DOCK3: variants seen among roughly 807,000 people sequenced by gnomAD.
DOCK3 encodes dedicator of cytokinesis 3.
In DOCK3, 60 loss-of-function variants were observed where a neutral mutation model predicts 265.6. The observed-to-expected ratio is 0.23, with a 90% CI of 0.18 to 0.28. The LOEUF (loss-of-function observed/expected upper bound fraction) is 0.28, where lower values mean the gene tolerates loss of function less well. Ranked by LOEUF, DOCK3 falls within the 10% of genes least tolerant of loss-of-function variation. DOCK3 has a pLI of 1.00. For missense variants in DOCK3, 1,981 were observed against 2,594.3 expected (o/e 0.76, Z 5.14); for synonymous variants, 881 against 938.0 (o/e 0.94, Z 1.11).
At chr3:50,719,370 C>A (rs1030553958) in intron 1 of DOCK3, 1 of 394,382 alleles carries the variant, frequency 2.5e-6, no homozygotes. Context: ...CAAAGACCTG[C>A]AGCAAGAGCA....
chr3:50,682,803 G>C (rs575817513), intron 1 of DOCK3, among the ~76,000 whole-genome samples: 3 of 152,342 alleles, frequency 2.0e-5, no homozygotes, highest in Admixed American at 2.0e-4. Context: ...GCCGGGCATG[G>C]TGGCGCACGC....
At chr3:51,237,036 G>A (rs181467551) in intron 20 of DOCK3, among the ~76,000 whole-genome samples, 2,319 of 152,132 alleles carry the variant, frequency 0.015, 25 homozygotes, top group South Asian at 0.028. Flanking sequence ...TTGCCCCTCC[G>A]GCTCTTCTTC....
chr3:51,206,477 G>A (rs183600951), intron 12 of DOCK3, among the ~76,000 whole-genome samples: 1 of 152,168 alleles, frequency 6.6e-6, no homozygotes, highest in Admixed American at 6.5e-5. Context: ...TAGTGGTCAG[G>A]TCTAAGGTAG....
intron 5 of DOCK3, among the ~76,000 whole-genome samples, chr3:51,000,550 A>G (rs1374189012): frequency 1.3e-5 from 2 of 152,106 alleles, no homozygotes; most frequent in African/African-American, 2.4e-5. Context: ...TTGGTTTAGC[A>G]TTTGCTTGGT....
At chr3:51,006,395 A>G (rs1475671168) in intron 5 of DOCK3, among the ~76,000 whole-genome samples, 2 of 152,154 alleles carry the variant, frequency 1.3e-5, no homozygotes, top group African/African-American at 4.8e-5. Flanking sequence ...CTTACAGCCA[A>G]CTACCCACTG....
At position 50,692,587 on chromosome 3, in the gene DOCK3, C is replaced by T. The variant is rs559080648; in HGVS notation, c.37+17287C>T. Among the ~76,000 whole-genome samples, 7 of 152,232 alleles carry T rather than the reference C, an allele frequency of 4.6e-5. No individual in the cohort carries two copies. In the South Asian group the frequency reaches 1.5e-3, roughly 32 times the overall value. On this transcript the variant is annotated intron_variant, in intron 1 of 52. Coordinates refer to ENST00000266037, the MANE Select transcript of DOCK3 (RefSeq NM_004947.5). ...GCCACAGATTGATATTAATTTGTGG[C>T]CCAGGGGTTAGGGACCCCTGCTTTA...
chr3:51,090,831 A>G (rs2109569741), intron 9 of DOCK3, among the ~76,000 whole-genome samples: 1 of 152,152 alleles, frequency 6.6e-6, no homozygotes, highest in Non-Finnish European at 1.5e-5. Flanking sequence ...ATGAAAGGAG[A>G]GCATCTTCTG....
intron 5 of DOCK3, among the ~76,000 whole-genome samples, chr3:51,059,553 G>A (rs1218258078): frequency 6.6e-6 from 1 of 151,010 alleles, no homozygotes; most frequent in African/African-American, 2.4e-5. Context: ...CCTAGCAATG[G>A]AACTAACTTT....
intron 39 of DOCK3, 148 bp from the exon 40 acceptor site, chr3:51,350,140 C>A (rs1044227636): frequency 1.5e-6 from 1 of 645,422 alleles, no homozygotes; most frequent in Non-Finnish European, 2.6e-6. Context: ...TGGAGAGAGG[C>A]TGGTCATGTC....
intron 5 of DOCK3, among the ~76,000 whole-genome samples, chr3:51,025,076 T>C (rs2079756469): frequency 6.6e-6 from 1 of 152,186 alleles, no homozygotes; most frequent in Non-Finnish European, 1.5e-5. Flanking sequence ...GAGCTTGCCC[T>C]AAGTTGCCTA....
chr3:51,033,774 G>A (rs2080146525), intron 5 of DOCK3, among the ~76,000 whole-genome samples: 1 of 152,110 alleles, frequency 6.6e-6, no homozygotes, highest in African/African-American at 2.4e-5. Flanking sequence ...TGATGTGGTG[G>A]GTGGTCTGTG....
chr3:50,712,309 A>G (rs1490808457), intron 1 of DOCK3, among the ~76,000 whole-genome samples: 1 of 152,176 alleles, frequency 6.6e-6, no homozygotes, highest in Non-Finnish European at 1.5e-5. Flanking sequence ...TGTTCTCCTA[A>G]GCAGTTCTTT....
At chr3:50,782,682 T>G (rs942654995) in intron 2 of DOCK3, among the ~76,000 whole-genome samples, 1 of 151,756 alleles carries the variant, frequency 6.6e-6, no homozygotes, top group Non-Finnish European at 1.5e-5. Context: ...TGGTGTTTGG[T>G]TACATGAGTG....
chr3:50,999,047 A>G (rs1310959829), intron 5 of DOCK3, among the ~76,000 whole-genome samples: 1 of 152,222 alleles, frequency 6.6e-6, no homozygotes, highest in Non-Finnish European at 1.5e-5. Context: ...GAAATTAAAA[A>G]GAGTTAAAAT....
At chr3:51,350,485 A>T in intron 40 of DOCK3, 93 bp downstream of exon 40, 1 of 1,353,132 alleles carries the variant, frequency 7.4e-7, no homozygotes, top group Non-Finnish European at 1.0e-6. Context: ...TGCCTTTTCT[A>T]CTGAATACTT....
intron 24 of DOCK3, among the ~76,000 whole-genome samples, 181 bp from the exon 25 acceptor site, chr3:51,274,898 G>A (rs1441956372): frequency 6.6e-6 from 1 of 152,128 alleles, no homozygotes; most frequent in Non-Finnish European, 1.5e-5. Flanking sequence ...GTCATGTGAT[G>A]GCTTATAATC....
chr3:51,211,101 T>A (rs1227808738), intron 13 of DOCK3, among the ~76,000 whole-genome samples: 1 of 152,184 alleles, frequency 6.6e-6, no homozygotes, highest in Non-Finnish European at 1.5e-5. Flanking sequence ...TATTTCCATA[T>A]CTTGGGCTGA....
At chr3:51,021,121 TG>T (rs1180151220) in intron 5 of DOCK3, among the ~76,000 whole-genome samples, 7 of 151,992 alleles carry the variant, frequency 4.6e-5, no homozygotes, top group Non-Finnish European at 8.8e-5. Context: ...TTTTTCCATT[TG>T]TTTTGTCCTC....
chr3:50,915,194 G>A (rs2050052016), intron 4 of DOCK3, among the ~76,000 whole-genome samples: 2 of 152,016 alleles, frequency 1.3e-5, no homozygotes, highest in African/African-American at 4.8e-5. Context: ...CCTAGGAGCA[G>A]GATACAGCTG....
Sources: allele counts gnomAD v4.1 joint callset (sites outside exome capture counted in the v4.1 genomes callset), GRCh38; gene constraint gnomAD v4.1.1; transcripts MANE v1.5; gene names NCBI Gene and HGNC (gene_info 2026-07-23, HGNC 2026-07-21).